The following ST18 variants were observed in gnomAD, a reference collection of about 807,000 sequenced individuals.
The protein encoded by ST18 is suppression of tumorigenicity 18 protein.
ST18 carries 50 observed loss-of-function variants against 110.0 expected under a neutral mutation model. That is an observed-to-expected ratio of 0.45 (90% CI 0.36 to 0.58). The LOEUF (loss-of-function observed/expected upper bound fraction) is 0.58. Among genes scored for constraint, ST18 ranks in the 20% least tolerant of loss-of-function variants. ST18 has a pLI of 0.00. For synonymous variants in ST18, 461 were observed against 452.4 expected, an observed-to-expected ratio of 1.02 and a Z score of -0.24; for missense variants, 1,306 against 1,280.1, an observed-to-expected ratio of 1.02 and a Z score of -0.31.
At chr8:52,255,233 C>T (rs1183727918) in intron 2 of ST18, among the ~76,000 whole-genome samples, 2 of 152,186 alleles carry the variant, frequency 1.3e-5, no homozygotes, top group African/African-American at 4.8e-5. Context: ...GGATTGGACA[C>T]TTGCTCGCAG....
chr8:52,300,057 G>T (rs974675727), intron 2 of ST18, among the ~76,000 whole-genome samples: 1 of 152,202 alleles, frequency 6.6e-6, no homozygotes, highest in Non-Finnish European at 1.5e-5. Context: ...TGAGGTCCCT[G>T]ATTGTAAATG....
intron 17 of ST18, among the ~76,000 whole-genome samples, chr8:52,139,690 G>A (rs1218687063): frequency 6.6e-6 from 1 of 152,090 alleles, no homozygotes; most frequent in Non-Finnish European, 1.5e-5. Context: ...GATTAATATT[G>A]CCAGGAGAAG....
At chr8:52,355,892 C>T (rs1433424693) in intron 2 of ST18, among the ~76,000 whole-genome samples, 2 of 152,136 alleles carry the variant, frequency 1.3e-5, no homozygotes, top group African/African-American at 4.8e-5. Flanking sequence ...TGACTTGAAG[C>T]ATTACAAGGG....
At chr8:52,209,786 A>ATATATATAT (rs778525182) in intron 8 of ST18, among the ~76,000 whole-genome samples, 1 of 133,550 alleles carries the variant, frequency 7.5e-6, no homozygotes, top group African/African-American at 3.1e-5. Context: ...AAAAAAAAAA[A>ATATATATAT]AAATATATAT....
intron 2 of ST18, among the ~76,000 whole-genome samples, chr8:52,331,769 C>A (rs1809519872): frequency 6.6e-6 from 1 of 152,128 alleles, no homozygotes; most frequent in African/African-American, 2.4e-5. Flanking sequence ...GTTTGGGGAT[C>A]ATGATTTTAT....
chr8:52,382,752 AT>A (rs57816349), intron 2 of ST18, among the ~76,000 whole-genome samples: 1,674 of 142,974 alleles, frequency 0.012, 11 homozygotes, highest in East Asian at 0.03. Context: ...TTCATTTACA[AT>A]TTTTTTTTTT....
rs566510408 is a variant in ST18, at chr8:52,166,375, G to A, written c.1204+477C>T. On this transcript the variant is annotated intron_variant, in intron 11 of 25. Transcript: ENST00000689386. The stretch of plus-strand genomic sequence containing the variant: ...CTCCTTTACTGGGCGCTCACCCTCT[G>A]GGGCACTGTTCTTCTGCCCTGATTG... Among the ~76,000 whole-genome samples the A allele has an allele frequency of 2.6e-5, 4 of 152,242 alleles. No homozygotes were observed. The East Asian group carries it at 7.7e-4, about 29-fold the overall frequency.
chr8:52,378,585 C>T (rs898063478), intron 2 of ST18, among the ~76,000 whole-genome samples: 1 of 152,128 alleles, frequency 6.6e-6, no homozygotes, highest in African/African-American at 2.4e-5. Flanking sequence ...AAAAGAGAGG[C>T]AGATCTTCAG....
chr8:52,310,259 A>G (rs2095881758), intron 2 of ST18, among the ~76,000 whole-genome samples: 1 of 152,200 alleles, frequency 6.6e-6, no homozygotes, highest in Admixed American at 6.5e-5. Context: ...GCAGATAGGT[A>G]AAGCATCCAA....
At chr8:52,148,627 G>C (rs1407573599) in intron 16 of ST18, among the ~76,000 whole-genome samples, 1 of 145,322 alleles carries the variant, frequency 6.9e-6, no homozygotes, top group Non-Finnish European at 1.5e-5. Context: ...ACTGGACTTG[G>C]AGATGTTGGC....
At chr8:52,341,455 G>A (rs1269261144) in intron 2 of ST18, among the ~76,000 whole-genome samples, 3 of 152,156 alleles carry the variant, frequency 2.0e-5, no homozygotes, top group South Asian at 2.1e-4. Context: ...AAAGAAGTCC[G>A]CATCCTAATC....
At chr8:52,130,143 GAAAGAAAGAAAGAAAGAAAGAAAA>G (rs1430654119) in intron 22 of ST18, among the ~76,000 whole-genome samples, 2 of 149,706 alleles carry the variant, frequency 1.3e-5, no homozygotes, top group African/African-American at 2.5e-5. Flanking sequence ...AAGAAAGAAA[GAAAGAAAGAAAGAAAGAAAGAAAA>G]AGAAAAGAAA....
chr8:52,351,050 A>G (rs1820099234), intron 2 of ST18, among the ~76,000 whole-genome samples: 1 of 152,160 alleles, frequency 6.6e-6, no homozygotes, highest in Non-Finnish European at 1.5e-5. Flanking sequence ...CCCAATAAAT[A>G]TTAGCGTATT....
At chr8:52,216,543 C>T (rs532404234) in intron 6 of ST18, among the ~76,000 whole-genome samples, 1 of 152,252 alleles carries the variant, frequency 6.6e-6, no homozygotes, top group African/African-American at 2.4e-5. Context: ...CTCTTCTTTA[C>T]ACATAGAAAA....
intron 25 of ST18, among the ~76,000 whole-genome samples, chr8:52,113,770 T>A (rs758966393): frequency 6.6e-6 from 1 of 151,968 alleles, no homozygotes; most frequent in Non-Finnish European, 1.5e-5. Context: ...GGGCAGAAAC[T>A]TAAAGAATTT....
intron 2 of ST18, among the ~76,000 whole-genome samples, chr8:52,358,718 C>T (rs900347345): frequency 4.6e-5 from 7 of 151,642 alleles, no homozygotes; most frequent in Non-Finnish European, 8.9e-5. Context: ...AACAATAAAC[C>T]ATACAACTAC....
At chr8:52,138,692 T>C (rs1310121369) in intron 17 of ST18, among the ~76,000 whole-genome samples, 3 of 152,238 alleles carry the variant, frequency 2.0e-5, no homozygotes, top group African/African-American at 7.2e-5. Flanking sequence ...CTGATGGTGT[T>C]TGAAAGTCAC....
chr8:52,393,539 A>G (rs753794864), intron 2 of ST18: 11 of 152,116 alleles, frequency 7.2e-5, no homozygotes, highest in Non-Finnish European at 1.3e-4. Flanking sequence ...AGACAAAATA[A>G]AGTCACACTC....
chr8:52,155,361 T>C (rs2132796479), intron 15 of ST18, among the ~76,000 whole-genome samples: 1 of 152,344 alleles, frequency 6.6e-6, no homozygotes, highest in South Asian at 2.1e-4. Flanking sequence ...ATATTGGTGG[T>C]ACAAATATGT....
Sources: allele counts gnomAD v4.1 joint callset (sites outside exome capture counted in the v4.1 genomes callset), GRCh38; gene constraint gnomAD v4.1.1; transcripts MANE v1.5; gene names NCBI Gene and HGNC (gene_info 2026-07-23, HGNC 2026-07-21).